Variants in OXCT1 observed in about 807,000 individuals in gnomAD.
OXCT1 encodes the protein succinyl-CoA:3-ketoacid coenzyme A transferase 1, mitochondrial.
A neutral mutation model predicts 69.6 loss-of-function variants in OXCT1; 27 were observed. That is an observed-to-expected ratio of 0.39 (90% CI 0.29 to 0.54). The LOEUF (loss-of-function observed/expected upper bound fraction) is 0.54. Among genes scored for constraint, OXCT1 ranks in the 20% least tolerant of loss-of-function variants. The pLI is 0.72. For synonymous variants in OXCT1, 202 were observed against 217.8 expected (o/e 0.93, Z 0.64); for missense variants, 437 against 650.2 (o/e 0.67, Z 3.57).
chr5:41,831,219 G>GT (rs1440391875), intron 7 of OXCT1, among the ~76,000 whole-genome samples: 1 of 152,126 alleles, frequency 6.6e-6, no homozygotes, highest in Non-Finnish European at 1.5e-5. Flanking sequence ...AATGAAAAAA[G>GT]TTTGTCATCC....
intron 14 of OXCT1, among the ~76,000 whole-genome samples, chr5:41,751,071 C>T (rs1561361619): frequency 2.0e-5 from 3 of 152,068 alleles, no homozygotes; most frequent in Non-Finnish European, 4.4e-5. Context: ...TTTCACTTCA[C>T]TTCTAATTAT....
At chr5:41,840,637 G>C (rs1048382702) in intron 6 of OXCT1, 126 bp from the exon 7 acceptor site, 2 of 631,322 alleles carry the variant, frequency 3.2e-6, no homozygotes, top group African/African-American at 1.8e-5. Flanking sequence ...TCCAAAAAGA[G>C]TGTATCATAT....
At chr5:41,772,244 A>G (rs1744902343) in intron 13 of OXCT1, among the ~76,000 whole-genome samples, 1 of 152,094 alleles carries the variant, frequency 6.6e-6, no homozygotes, top group Admixed American at 6.6e-5. Context: ...AACTAGAACC[A>G]TGGGCAGCAC....
intron 16 of OXCT1, among the ~76,000 whole-genome samples, chr5:41,733,174 G>A (rs1742719228): frequency 6.6e-6 from 1 of 150,656 alleles, no homozygotes; most frequent in Admixed American, 6.6e-5. Context: ...ATTTAGATAA[G>A]TATATCTCAC....
chr5:41,777,150 G>A (rs1454651734), intron 13 of OXCT1, among the ~76,000 whole-genome samples: 1 of 152,182 alleles, frequency 6.6e-6, no homozygotes, highest in East Asian at 1.9e-4. Flanking sequence ...GGGTGCGGTG[G>A]CTTATGCCTG....
At chr5:41,861,964 G>T (rs914068374) in intron 2 of OXCT1, among the ~76,000 whole-genome samples, 2 of 152,152 alleles carry the variant, frequency 1.3e-5, no homozygotes, top group African/African-American at 4.8e-5. Flanking sequence ...TAATCCCAGC[G>T]CTTTGGGAGG....
intron 13 of OXCT1, among the ~76,000 whole-genome samples, chr5:41,767,280 TG>T (rs1744651695): frequency 6.6e-6 from 1 of 152,172 alleles, no homozygotes; most frequent in South Asian, 2.1e-4. Context: ...CAAAGATTAA[TG>T]GCATTTTCTA....
chr5:41,749,505 T>G (rs750325045), intron 15 of OXCT1, 22 bp downstream of exon 15: 1 of 1,496,892 alleles, frequency 6.7e-7, no homozygotes, highest in Non-Finnish European at 9.3e-7. Flanking sequence ...AACATGGTAA[T>G]AGTAGAAAAA....
At position 41,778,884 on chromosome 5, in the gene OXCT1, C is replaced by T. The variant is rs565636588; in HGVS notation, c.1248+15119G>A. On this transcript the variant is annotated intron_variant, in intron 13 of 16. Coordinates refer to ENST00000196371, the MANE Select transcript of OXCT1 (RefSeq NM_000436.4). ...AATTTGTCTTTCTTTTTTGATCCAA[C>T]GCCCTTTGGGAGAAGAACATATGTT... Among the ~76,000 whole-genome samples the T allele has an allele frequency of 3.3e-5, 5 of 152,228 alleles. No homozygotes were observed. The South Asian group carries it at 6.2e-4, about 19-fold the overall frequency.
intron 12 of OXCT1, 35 bp downstream of exon 12, chr5:41,794,642 C>A: frequency 1.3e-6 from 2 of 1,579,830 alleles, no homozygotes; most frequent in African/African-American, 2.7e-5. Context: ...TCATTCCATA[C>A]TGTCTGAAAC....
chr5:41,749,912 C>T (rs1207173560), intron 14 of OXCT1, among the ~76,000 whole-genome samples: 2 of 152,054 alleles, frequency 1.3e-5, no homozygotes, highest in African/African-American at 4.8e-5. Flanking sequence ...TCACTAATAT[C>T]CTGATTATTT....
chr5:41,820,714 A>G (rs1490796888), intron 7 of OXCT1, among the ~76,000 whole-genome samples: 2 of 152,186 alleles, frequency 1.3e-5, no homozygotes, highest in African/African-American at 4.8e-5. Context: ...TTCCATGCAG[A>G]AAGTGTCTCC....
chr5:41,816,045 A>G (rs1448590164), intron 7 of OXCT1, among the ~76,000 whole-genome samples: 1 of 152,210 alleles, frequency 6.6e-6, no homozygotes, highest in Non-Finnish European at 1.5e-5. Flanking sequence ...TCCAGAACAC[A>G]GTTAATGGCT....
chr5:41,811,290 G>C (rs13176368), intron 7 of OXCT1, among the ~76,000 whole-genome samples: 27,543 of 151,908 alleles, frequency 0.18, 2,710 homozygotes, highest in Middle Eastern at 0.29. Context: ...TCTCAAAGTT[G>C]CTAGAAGAGA....
rs1022074315 is a variant in OXCT1, at chr5:41,788,351, T to C, written c.1248+5652A>G. On this transcript the variant is annotated intron_variant, in intron 13 of 16. Transcript: ENST00000196371. ...CAGAAAAAAAAATATCCTGATAGAT[T>C]TAAACCCAACCATATTGATGACTAC... 3.3e-5 allele frequency among the ~76,000 whole-genome samples: 5 copies of C among 152,136 alleles called. No individual in the cohort carries two copies. The East Asian group carries it at 7.7e-4, about 23-fold the overall frequency.
intron 5 of OXCT1, among the ~76,000 whole-genome samples, chr5:41,847,949 G>C (rs1749002320): frequency 6.6e-6 from 1 of 150,680 alleles, no homozygotes; most frequent in Non-Finnish European, 1.5e-5. Flanking sequence ...GCAGGAGAAG[G>C]AAATCAAGGG....
intron 13 of OXCT1, among the ~76,000 whole-genome samples, chr5:41,768,131 A>G (rs1407064577): frequency 2.0e-5 from 3 of 152,248 alleles, no homozygotes; most frequent in East Asian, 1.9e-4. Context: ...CTGATTCCCA[A>G]AATTGTTCCT....
chr5:41,780,513 C>G (rs1471431290), intron 13 of OXCT1, among the ~76,000 whole-genome samples: 1 of 152,142 alleles, frequency 6.6e-6, no homozygotes, highest in African/African-American at 2.4e-5. Context: ...TCAAGTTCCT[C>G]AATCACTACT....
intron 11 of OXCT1, among the ~76,000 whole-genome samples, chr5:41,796,505 T>G (rs1425953512): frequency 6.6e-6 from 1 of 152,220 alleles, no homozygotes; most frequent in Admixed American, 6.5e-5. Context: ...CACAGTTATA[T>G]CCTCAGATTC....
Sources: gnomAD v4.1 joint callset for allele counts (sites outside exome capture counted in the v4.1 genomes callset) on GRCh38, gnomAD v4.1.1 for gene constraint, MANE v1.5 for transcripts, NCBI Gene and HGNC (gene_info 2026-07-23, HGNC 2026-07-21) for gene names.